Variants in PMFBP1 observed in about 807,000 individuals in gnomAD.
PMFBP1 encodes the protein polyamine-modulated factor 1-binding protein 1.
In PMFBP1, 131 loss-of-function variants were observed where a neutral mutation model predicts 137.8. The ratio of observed to expected loss-of-function variants is 0.95; its 90% CI spans 0.82 to 1.10. The LOEUF is 1.10. PMFBP1 is among the 50% of genes least tolerant of loss of function. The probability of loss-of-function intolerance (pLI) is 0.00; values close to 1 mark genes in which losing one functional copy is unlikely to be tolerated. For missense variants in PMFBP1, 1,199 were observed against 1,175.4 expected, an observed-to-expected ratio of 1.02 and a Z score of -0.29; for synonymous variants, 490 against 450.4, an observed-to-expected ratio of 1.09 and a Z score of -1.11.
the PMFBP1 span, among the ~76,000 whole-genome samples, chr16:72,195,952 A>G: frequency 6.7e-6 from 1 of 148,970 alleles, no homozygotes; most frequent in African/African-American, 2.5e-5. Context: ...AGTGTGTTAA[A>G]TCTCTCTCTC....
At chr16:72,135,738 C>CTTT (rs1567626436) in intron 9 of PMFBP1, among the ~76,000 whole-genome samples, 1 of 88,052 alleles carries the variant, frequency 1.1e-5, no homozygotes, top group African/African-American at 4.3e-5. Flanking sequence ...TTTAATTTTT[C>CTTT]TGTTTTTTTT....
chr16:72,170,019 G>T (rs1234168359), intron 2 of PMFBP1, among the ~76,000 whole-genome samples: 2 of 127,550 alleles, frequency 1.6e-5, no homozygotes, highest in Non-Finnish European at 3.5e-5. Context: ...ATTGGCACCT[G>T]GGCAATTTTC....
At chr16:72,239,556 C>A in the PMFBP1 span, among the ~76,000 whole-genome samples, 1 of 152,066 alleles carries the variant, frequency 6.6e-6, no homozygotes, top group African/African-American at 2.4e-5. Flanking sequence ...ATTTGGTTTA[C>A]AATCATGTCT....
At chr16:72,181,702 A>T (rs2043276773), upstream of PMFBP1, among the ~76,000 whole-genome samples, 1 of 152,224 alleles carries the variant, frequency 6.6e-6, no homozygotes, top group South Asian at 2.1e-4. Flanking sequence ...TTATAAAATA[A>T]AGCATTGGCT....
the PMFBP1 span, among the ~76,000 whole-genome samples, chr16:72,227,613 T>C: frequency 6.6e-6 from 1 of 152,208 alleles, no homozygotes; most frequent in Non-Finnish European, 1.5e-5. Flanking sequence ...CAAAGGGCCG[T>C]ATAACATTCT....
At chr16:72,131,144 C>T (rs965470696) in intron 10 of PMFBP1, among the ~76,000 whole-genome samples, 1 of 152,090 alleles carries the variant, frequency 6.6e-6, no homozygotes, top group African/African-American at 2.4e-5. Flanking sequence ...AGTGGAGGAA[C>T]AGAAGCTGAG....
chr16:72,164,139 C>G (rs1038221008), intron 3 of PMFBP1, among the ~76,000 whole-genome samples: 3 of 151,932 alleles, frequency 2.0e-5, no homozygotes, highest in Non-Finnish European at 4.4e-5. Context: ...TGGAGGAAGT[C>G]TGTGAGACAG....
At chr16:72,177,717 C>T (rs2043263550), upstream of PMFBP1, among the ~76,000 whole-genome samples, 1 of 152,112 alleles carries the variant, frequency 6.6e-6, no homozygotes, top group Admixed American at 6.6e-5. Flanking sequence ...CACTAATGTC[C>T]TTTTTCTGTT....
intron 14 of PMFBP1, among the ~76,000 whole-genome samples, chr16:72,126,494 C>T (rs1478237028): frequency 1.3e-5 from 2 of 152,202 alleles, no homozygotes; most frequent in Non-Finnish European, 2.9e-5. Context: ...ACAACATGTC[C>T]TTTGTGTTTT....
At chr16:72,193,074 G>A in the PMFBP1 span, among the ~76,000 whole-genome samples, 2 of 152,046 alleles carry the variant, frequency 1.3e-5, no homozygotes, top group African/African-American at 2.4e-5. Flanking sequence ...CCTATATGGA[G>A]GACCCTCTAA....
chr16:72,143,903 T>C (rs533312177), intron 5 of PMFBP1, among the ~76,000 whole-genome samples: 1 of 152,156 alleles, frequency 6.6e-6, no homozygotes, highest in East Asian at 1.9e-4. Context: ...TAGCCAGGCC[T>C]GGTGGCACAT....
At chr16:72,186,985 C>T in the PMFBP1 span, among the ~76,000 whole-genome samples, 7 of 151,618 alleles carry the variant, frequency 4.6e-5, no homozygotes, top group South Asian at 2.1e-4. Context: ...TGGTGGTGTG[C>T]GCCTGTAATC....
intron 3 of PMFBP1, among the ~76,000 whole-genome samples, chr16:72,156,145 C>A (rs1182783708): frequency 6.6e-6 from 1 of 152,118 alleles, no homozygotes; most frequent in Non-Finnish European, 1.5e-5. Flanking sequence ...TGCCACCACA[C>A]CCAGCTAATT....
chr16:72,180,293 T>C (rs1567647266), upstream of PMFBP1, among the ~76,000 whole-genome samples: 3 of 152,220 alleles, frequency 2.0e-5, no homozygotes, highest in African/African-American at 4.8e-5. Flanking sequence ...CCTGCTTTTC[T>C]GCAAAGCCAC....
At chr16:72,204,232 G>A in the PMFBP1 span, among the ~76,000 whole-genome samples, 2 of 150,086 alleles carry the variant, frequency 1.3e-5, no homozygotes, top group African/African-American at 5.0e-5. Context: ...CTGTTGCCCA[G>A]GCTGGAGTGC....
rs1356605068 is a variant in PMFBP1, at chr16:72,150,839, T to C, written c.415-10A>G. On this transcript the variant is annotated splice_polypyrimidine_tract_variant and intron_variant, in intron 4 of 20. Coordinates refer to ENST00000237353, the MANE Select transcript of PMFBP1 (RefSeq NM_031293.3). ...CCTCATAGAGAATCACCTGTAGGTG[T>C]AGGAATAAATCCACATTGAGCCCAT... 3 of 1,607,520 alleles carry C rather than the reference T, an allele frequency of 1.9e-6. No individual in the cohort carries two copies. Among genetic ancestry groups the C allele is most frequent in the South Asian group, 1.1e-5 (1 of 90,952 alleles).
chr16:72,130,716 T>C lies in PMFBP1; in HGVS notation c.1454A>G (p.Gln485Arg). ...AKQQERLAAQ[Q>R]AAQCKEEAAL... ...AGCCTCTTCTTTGCACTGGGCTGCT[T>C]GCTGAGCTGCAGAAGCAGGGAGATG... The change falls in exon 11 of 21, where the codon CAA (glutamine) becomes CGA (arginine). Residue 485 changes from glutamine (Q) to arginine (R), a missense_variant. Coordinates refer to ENST00000237353, the MANE Select transcript of PMFBP1 (RefSeq NM_031293.3). 6.2e-7 allele frequency: 1 copy of C among 1,610,390 alleles called. No individual in the cohort carries two copies.
intron 3 of PMFBP1, among the ~76,000 whole-genome samples, chr16:72,155,039 A>ATGTGTGTG (rs2042961396): frequency 1.3e-5 from 2 of 151,526 alleles, no homozygotes; most frequent in Non-Finnish European, 2.9e-5. Context: ...GTGTGTGTGT[A>ATGTGTGTG]TGTGTGTGTG....
the PMFBP1 span, among the ~76,000 whole-genome samples, chr16:72,224,151 C>T: frequency 6.6e-6 from 1 of 152,206 alleles, no homozygotes; most frequent in African/African-American, 2.4e-5. Context: ...GAAGTTTCAT[C>T]AGCAACTCTG....
Sources: allele counts gnomAD v4.1 joint callset (sites outside exome capture counted in the v4.1 genomes callset), GRCh38; gene constraint gnomAD v4.1.1; transcripts MANE v1.5; gene names NCBI Gene and HGNC (gene_info 2026-07-23, HGNC 2026-07-21).